Variants in NUDT6 observed in about 807,000 individuals in gnomAD.
The protein encoded by NUDT6 is nudix hydrolase 6.
NUDT6 carries 24 observed loss-of-function variants against 36.8 expected under a neutral mutation model. That is an observed-to-expected ratio of 0.65 (90% CI 0.47 to 0.92). The LOEUF is 0.92. Ranked by LOEUF, NUDT6 falls within the 40% of genes least tolerant of loss-of-function variation. The pLI is 0.00. For missense variants in NUDT6, 388 were observed against 392.8 expected, an observed-to-expected ratio of 0.99 and a Z score of 0.10; for synonymous variants, 163 against 157.0, an observed-to-expected ratio of 1.04 and a Z score of -0.29.
intron 4 of NUDT6, chr4:122,896,716 A>T (rs2150798164): frequency 6.6e-6 from 1 of 152,318 alleles, no homozygotes; most frequent in South Asian, 2.1e-4. Context: ...TAATGTATGT[A>T]TGGTATTTTG....
intron 3 of NUDT6, among the ~76,000 whole-genome samples, chr4:122,900,428 C>G (rs113932345): frequency 0.011 from 1,603 of 148,202 alleles, 61 homozygotes; most frequent in African/African-American, 0.038. Flanking sequence ...TACAATTTTT[C>G]CCACCACCCT....
chr4:122,899,371 T>C (rs919190324), intron 3 of NUDT6, among the ~76,000 whole-genome samples: 7 of 152,132 alleles, frequency 4.6e-5, no homozygotes, highest in Non-Finnish European at 8.8e-5. Context: ...AAATTTGATT[T>C]TGACTATTTC....
intron 3 of NUDT6, among the ~76,000 whole-genome samples, chr4:122,907,603 A>G (rs1459331588): frequency 6.6e-6 from 1 of 150,598 alleles, no homozygotes; most frequent in Non-Finnish European, 1.5e-5. Flanking sequence ...GGCGCCCACC[A>G]CCACGCCCGG....
At chr4:122,906,768 T>G (rs1028532479) in intron 3 of NUDT6, among the ~76,000 whole-genome samples, 20 of 152,094 alleles carry the variant, frequency 1.3e-4, no homozygotes, top group African/African-American at 4.3e-4. Flanking sequence ...ACACAGGTCA[T>G]AAAGACCTTG....
chr4:122,896,368 C>A (rs919849869), intron 4 of NUDT6: 1 of 152,480 alleles, frequency 6.6e-6, no homozygotes, highest in Non-Finnish European at 1.5e-5. Flanking sequence ...TGAAAAAAAT[C>A]AATTTATTTG....
At chr4:122,893,383 G>T (rs1244560309) in intron 4 of NUDT6, 158 bp from the exon 5 acceptor site, 3 of 587,302 alleles carry the variant, frequency 5.1e-6, no homozygotes, top group Non-Finnish European at 8.1e-6. Flanking sequence ...TGGATATCAA[G>T]AAATCCCAAA....
Position 122,922,592 on chromosome 4 carries a change from T to A in NUDT6, c.-20A>T, listed in dbSNP as rs201407718. On this transcript the variant is annotated 5_prime_UTR_variant, in exon 1 of 5. Transcript: ENST00000304430. Reference sequence around the variant, plus strand: ...CCGCATCTCCACGCCGCTTAATTCGTCCGTTGCCCAAATGACCCCTCCGCG... The same window carrying A: ...CCGCATCTCCACGCCGCTTAATTCGACCGTTGCCCAAATGACCCCTCCGCG... The A allele has an allele frequency of 5.7e-6, 9 of 1,580,416 alleles. No homozygotes were observed. The highest frequency in any genetic ancestry group is 2.7e-5 in the African/African-American group (2 of 74,560).
chr4:122,917,383 A>G lies in NUDT6; in HGVS notation c.442+118T>C, dbSNP rs1727865970. On this transcript the variant is annotated intron_variant, in intron 2 of 4. Coordinates refer to ENST00000304430, the MANE Select transcript of NUDT6 (RefSeq NM_007083.5). ...TGTGCAGATAGGGTGGAACCACCGT[A>G]ATCATTTAATCAAATAACTCATTCC... is the stretch of plus-strand genomic sequence containing the variant. 3.3e-6 allele frequency: 3 copies of G among 904,554 alleles called. No individual in the cohort carries two copies. The South Asian group carries it at 4.6e-5, about 14-fold the overall frequency. The allele number at this position is 904,554 out of a possible 1,614,324, so 56.0% of individuals were successfully genotyped here.
chr4:122,912,761 T>C, intron 2 of NUDT6, 138 bp from the exon 3 acceptor site: 1 of 614,008 alleles, frequency 1.6e-6, no homozygotes, highest in East Asian at 2.8e-5. Flanking sequence ...GAGTATTCCT[T>C]ATCTAAAATG....
chr4:122,920,188 T>C (rs1283233068), intron 1 of NUDT6: 1 of 152,222 alleles, frequency 6.6e-6, no homozygotes, highest in Non-Finnish European at 1.5e-5. Flanking sequence ...ATAGTCTCTC[T>C]TTATAGGCAC....
upstream of NUDT6, chr4:122,922,689 A>G (rs1386326061): frequency 4.5e-6 from 4 of 884,924 alleles, no homozygotes; most frequent in African/African-American, 6.6e-5. Context: ...AGCTGGGGTT[A>G]CCACTCTGCA....
In NUDT6 at chr4:122,899,044, A is replaced by ATTTTTTTTT. The variant is rs113708696; in HGVS notation, c.499-1375_499-1367dup. ...CTACAGGTGTGCACCACCACACCTA[A>ATTTTTTTTT]TTTTTTTTTTTTTTTTAGAGATGAG... is the stretch of plus-strand genomic sequence containing the variant. On this transcript the variant is annotated intron_variant, in intron 3 of 4. Transcript: ENST00000304430. 3.3e-4 allele frequency among the ~76,000 whole-genome samples: 23 copies of ATTTTTTTTT among 69,404 alleles called. 4 individuals are homozygous for ATTTTTTTTT. The highest frequency in any genetic ancestry group is 3.3e-3 in the East Asian group (7 of 2,128). The allele number at this position is 69,404 out of a possible 152,430, so 45.5% of individuals were successfully genotyped here. A position where few individuals can be genotyped will look rare whatever the true frequency, so the allele number is the denominator to read the frequency against.
chr4:122,900,866 T>C (rs936460747), intron 3 of NUDT6, among the ~76,000 whole-genome samples: 1 of 152,186 alleles, frequency 6.6e-6, no homozygotes, highest in African/African-American at 2.4e-5. Flanking sequence ...AATGTTCTGA[T>C]TGGCATGGAA....
At chr4:122,898,983 G>A (rs1475135832) in intron 3 of NUDT6, among the ~76,000 whole-genome samples, 4 of 149,312 alleles carry the variant, frequency 2.7e-5, no homozygotes, top group African/African-American at 9.8e-5. Flanking sequence ...CTGGGCTCAG[G>A]TGATCCTCCC....
At chr4:122,901,089 C>G (rs1014498704) in intron 3 of NUDT6, among the ~76,000 whole-genome samples, 1 of 151,982 alleles carries the variant, frequency 6.6e-6, no homozygotes, top group Non-Finnish European at 1.5e-5. Flanking sequence ...AAGGAACTTT[C>G]CACTCTCTTG....
chr4:122,903,326 A>T (rs1206303823), intron 3 of NUDT6, among the ~76,000 whole-genome samples: 3 of 152,152 alleles, frequency 2.0e-5, no homozygotes, highest in African/African-American at 7.2e-5. Context: ...GGTGAACATG[A>T]CTAGATTCTG....
intron 2 of NUDT6, among the ~76,000 whole-genome samples, chr4:122,912,845 A>G (rs934291258): frequency 3.9e-5 from 6 of 152,236 alleles, no homozygotes; most frequent in African/African-American, 1.4e-4. Flanking sequence ...TCCTGGGGAT[A>G]GGACCCAAGT....
intron 1 of NUDT6, chr4:122,920,691 C>T (rs115890743): frequency 5.5e-4 from 83 of 152,284 alleles, no homozygotes; most frequent in African/African-American, 1.9e-3. Context: ...GCTTTGATCA[C>T]CTGTTTGGTC....
intron 3 of NUDT6, among the ~76,000 whole-genome samples, chr4:122,906,935 C>T (rs886379937): frequency 9.9e-5 from 15 of 152,108 alleles, no homozygotes; most frequent in African/African-American, 3.1e-4. Flanking sequence ...TGACAAATGC[C>T]ATGGTAATAT....
Sources: allele counts gnomAD v4.1 joint callset (sites outside exome capture counted in the v4.1 genomes callset), GRCh38; gene constraint gnomAD v4.1.1; transcripts MANE v1.5; gene names NCBI Gene and HGNC (gene_info 2026-07-23, HGNC 2026-07-21).